The following CDKL4 variants were observed in gnomAD, a reference collection of about 807,000 sequenced individuals.
CDKL4 encodes the protein cyclin-dependent kinase-like 4.
Under a neutral mutation model 42.0 loss-of-function variants are expected in CDKL4, and 44 were observed. The observed-to-expected ratio is 1.05, with a 90% CI of 0.82 to 1.35. The LOEUF is 1.35. Ranked by LOEUF, CDKL4 falls within the 40% of genes most tolerant of loss-of-function variation. CDKL4 has a pLI of 0.00. For synonymous variants in CDKL4, 120 were observed against 121.6 expected, an observed-to-expected ratio of 0.99 and a Z score of 0.09; for missense variants, 393 against 369.9, an observed-to-expected ratio of 1.06 and a Z score of -0.51.
intron 7 of CDKL4, among the ~76,000 whole-genome samples, chr2:39,185,019 G>C (rs1349849343): frequency 6.6e-6 from 1 of 150,540 alleles, no homozygotes; most frequent in East Asian, 2.0e-4. Flanking sequence ...ATAGGGGTGA[G>C]CCAACTCACC....
At chr2:39,194,626 G>A (rs985680725) in intron 5 of CDKL4, among the ~76,000 whole-genome samples, 3 of 152,058 alleles carry the variant, frequency 2.0e-5, no homozygotes, top group African/African-American at 7.2e-5. Flanking sequence ...TCAATATCTT[G>A]CTAATTTTTC....
intron 1 of CDKL4, among the ~76,000 whole-genome samples, chr2:39,237,823 A>G (rs1434516874): frequency 1.3e-5 from 2 of 152,236 alleles, no homozygotes; most frequent in Non-Finnish European, 2.9e-5. Context: ...ATGAATCTAT[A>G]AAAAGTCTAC....
intron 2 of CDKL4, among the ~76,000 whole-genome samples, chr2:39,226,426 T>TTTATATAAATTATATATATTATATATATA (rs1286326645): frequency 7.1e-6 from 1 of 140,886 alleles, no homozygotes; most frequent in African/African-American, 2.7e-5. Flanking sequence ...CTTATTTATA[T>TTTATATAAATTATATATATTATATATATA]TTATATAAAT....
chr2:39,208,594 C>T (rs755005527), intron 4 of CDKL4, among the ~76,000 whole-genome samples: 43 of 151,990 alleles, frequency 2.8e-4, no homozygotes, highest in Non-Finnish European at 4.9e-4. Context: ...CCACCAGCCT[C>T]GGCCTCCCAA....
chr2:39,189,615 C>G (rs1676052804), intron 6 of CDKL4, among the ~76,000 whole-genome samples: 1 of 152,100 alleles, frequency 6.6e-6, no homozygotes, highest in South Asian at 2.1e-4. Context: ...CCAAATCTGG[C>G]CTACTGCCTG....
chr2:39,190,600 G>C (rs549883725), intron 5 of CDKL4, 98 bp from the exon 6 acceptor site: 2 of 960,234 alleles, frequency 2.1e-6, no homozygotes, highest in African/African-American at 3.2e-5. Flanking sequence ...AACCATCAGA[G>C]GCCATGATAC....
rs182455557 is a variant in CDKL4 at position 39,220,709 on chromosome 2, C to A, written c.290+5130G>T. On this transcript the variant is annotated intron_variant, in intron 3 of 9. Coordinates refer to ENST00000451199, the Ensembl canonical transcript of CDKL4. ...TTCAAGCAATTCTGTCTCAGCCTCC[C>A]GAGTAGCTGGGATTACAGGCACCTG... Among the ~76,000 whole-genome samples the A allele has an allele frequency of 1.9e-3, 286 of 151,772 alleles. 2 individuals carry two copies. Among genetic ancestry groups the A allele is most frequent in the African/African-American group, 6.7e-3 (278 of 41,424 alleles).
chr2:39,214,233 T>C (rs1054590272), intron 3 of CDKL4, among the ~76,000 whole-genome samples: 3 of 152,318 alleles, frequency 2.0e-5, no homozygotes, highest in Admixed American at 6.5e-5. Flanking sequence ...AGTATTTACT[T>C]TTTAACTTTA....
At chr2:39,241,316 G>A (rs148920834) in intron 1 of CDKL4, among the ~76,000 whole-genome samples, 6 of 152,096 alleles carry the variant, frequency 3.9e-5, no homozygotes, top group Non-Finnish European at 4.4e-5. Context: ...TGAGCAAAAC[G>A]TAAACAGTGA....
chr2:39,186,437 G>C (rs1436253421), intron 7 of CDKL4, among the ~76,000 whole-genome samples: 1 of 152,114 alleles, frequency 6.6e-6, no homozygotes, highest in East Asian at 1.9e-4. Flanking sequence ...TGCTTTTCTT[G>C]ACAGTTTTTT....
chr2:39,187,218 T>C (rs182585404), intron 7 of CDKL4, among the ~76,000 whole-genome samples: 3 of 152,256 alleles, frequency 2.0e-5, no homozygotes, highest in Non-Finnish European at 4.4e-5. Flanking sequence ...CCTGCCATGA[T>C]TGTAAGTTTC....
At chr2:39,233,879 GATAT>G (rs35424282) in intron 1 of CDKL4, among the ~76,000 whole-genome samples, 7 of 136,794 alleles carry the variant, frequency 5.1e-5, no homozygotes, top group Admixed American at 1.5e-4. Context: ...TATTTAAGAA[GATAT>G]ATATATATAT....
At chr2:39,221,454 A>T (rs1678368720) in intron 3 of CDKL4, among the ~76,000 whole-genome samples, 1 of 152,170 alleles carries the variant, frequency 6.6e-6, no homozygotes, top group Non-Finnish European at 1.5e-5. Flanking sequence ...GCCTTTAAAA[A>T]TACTCTCTGG....
chr2:39,212,794 G>T (rs945716750), intron 4 of CDKL4, among the ~76,000 whole-genome samples: 1 of 152,052 alleles, frequency 6.6e-6, no homozygotes, highest in South Asian at 2.1e-4. Context: ...CAGGTAGCTA[G>T]GATTACAGGT....
chr2:39,178,487 G>C lies in CDKL4; in HGVS notation c.927+700C>G. 4 of 1,368,898 alleles carry C rather than the reference G, an allele frequency of 2.9e-6. No homozygotes were observed. The Admixed American group carries it at 8.1e-5, about 28-fold the overall frequency. The allele number at this position is 1,368,898 out of a possible 1,614,324, so 84.8% of individuals were successfully genotyped here. A position where few individuals can be genotyped will look rare whatever the true frequency, so the allele number is the denominator to read the frequency against. On this transcript the variant is annotated intron_variant, in intron 9 of 9. Transcript: ENST00000451199. The stretch of plus-strand genomic sequence containing the variant: ...TTCTCTGTGTCAGATACTGTTTTAG[G>C]TGCCGGGTTTACAAGGTGAGAAAAA...
intron 5 of CDKL4, among the ~76,000 whole-genome samples, chr2:39,197,532 T>C (rs772649935): frequency 1.4e-4 from 21 of 152,210 alleles, no homozygotes; most frequent in African/African-American, 4.6e-4. Context: ...CCTAGGCACA[T>C]AGGCATCAGG....
chr2:39,223,790 G>A (rs959731908), intron 3 of CDKL4, among the ~76,000 whole-genome samples: 1 of 151,872 alleles, frequency 6.6e-6, no homozygotes, highest in Non-Finnish European at 1.5e-5. Context: ...GTAGAGATGG[G>A]TTTCACCATG....
At chr2:39,174,152 C>T (rs1008182843), downstream of CDKL4, among the ~76,000 whole-genome samples, 2 of 152,100 alleles carry the variant, frequency 1.3e-5, no homozygotes, top group African/African-American at 4.8e-5. Flanking sequence ...CTCCCGTAAT[C>T]CCAGCACTTT....
At position 39,229,398 on chromosome 2, in the gene CDKL4, C is replaced by A. The variant is rs746764745; in HGVS notation, c.135G>T (p.Lys45Asn). 6.2e-6 allele frequency: 10 copies of A among 1,607,174 alleles called. No individual in the cohort carries two copies. The South Asian group carries it at 1.0e-4, about 16-fold the overall frequency. Residue 45 changes from lysine to asparagine, a missense_variant, in exon 2 of 10, where the codon AAG becomes AAT. Lys to Asn is a moderately conservative substitution (Grantham distance 94). Coordinates refer to ENST00000451199, the Ensembl canonical transcript of CDKL4. ...TACGTATTTCTCTTAGTGCTATTTT[C>A]TTAACAACAGGATCATCTTCAGATT...
Sources: gnomAD v4.1 joint callset for allele counts (sites outside exome capture counted in the v4.1 genomes callset) on GRCh38, gnomAD v4.1.1 for gene constraint, MANE v1.5 for transcripts, NCBI Gene and HGNC (gene_info 2026-07-23, HGNC 2026-07-21) for gene names.